The following PGLS variants were observed in gnomAD, a reference collection of about 807,000 sequenced individuals.
PGLS encodes epididymis secretory protein Li 304.
A neutral mutation model predicts 23.2 loss-of-function variants in PGLS; 21 were observed. The ratio of observed to expected loss-of-function variants is 0.91; its 90% confidence interval spans 0.64 to 1.31. PGLS has a LOEUF of 1.31. Among genes scored for constraint, PGLS ranks in the 50% most tolerant of loss-of-function variants. The pLI is 0.00. For synonymous variants in PGLS, 179 were observed against 165.4 expected (o/e 1.08, Z -0.63); for missense variants, 410 against 354.0 (o/e 1.16, Z -1.27).
At chr19:17,512,084 A>G (rs889360265) in intron 1 of PGLS, 124 bp downstream of exon 1, 1 of 1,029,628 alleles carries the variant, frequency 9.7e-7, no homozygotes, top group African/African-American at 1.7e-5. Context: ...CACCTCGGCT[A>G]CGGGGGCCAC....
rs937092332 is a variant in PGLS at position 17,511,833 on chromosome 19, T to C, written c.161T>C (p.Leu54Pro). 4.6e-6 allele frequency: 7 copies of C among 1,528,314 alleles called. No homozygotes were observed. The African/African-American group carries it at 9.9e-5, about 22-fold the overall frequency. The allele number at this position is 1,528,314 out of a possible 1,614,324, so 94.7% of individuals were successfully genotyped here. A position where few individuals can be genotyped will look rare whatever the true frequency, so the allele number is the denominator to read the frequency against. Residue 54 changes from leucine (L) to proline (P), a missense_variant, in exon 1 of 5, where the codon CTA becomes CCA. Coordinates refer to ENST00000252603, the MANE Select transcript of PGLS (RefSeq NM_012088.3). ...TCGGGCGGGAGCCTCGTCTCGATGC[T>C]AGCCCGCGAGCTACCCGCCGCCGTC... ...GLSGGSLVSM[L>P]ARELPAAVAP...
rs540004146 is a variant in PGLS at position 17,511,877 on chromosome 19, A to C, written c.205A>C (p.Ser69Arg). The C allele has an allele frequency of 1.7e-5, 26 of 1,539,228 alleles. No individual in the cohort carries two copies. In the African/African-American group the frequency reaches 3.1e-4, roughly 18 times the overall value. ...PAAVAPAGPASLARWTLGFCD... is the reference protein window; with the variant it reads ...PAAVAPAGPARLARWTLGFCD... ...CGCCGTCGCCCCTGCCGGGCCAGCT[A>C]GCTTAGCGCGCTGGACGCTGGGCTT... Residue 69 changes from serine (S) to arginine (R), a missense_variant, in exon 1 of 5, where the codon AGC becomes CGC. By Grantham distance (110) the Ser-to-Arg change is moderately radical. Transcript: ENST00000252603.
At chr19:17,516,615 C>T (rs1446726946) in intron 2 of PGLS, 16 of 809,644 alleles carry the variant, frequency 2.0e-5, no homozygotes, top group South Asian at 3.4e-5. Flanking sequence ...GACGGAGTCT[C>T]ACTCTGTCGC....
rs746596591 is a variant in PGLS, at chr19:17,511,804, C to T, written c.132C>T (p.Gly44=). ...GGGCCCGCGCCCGTTTCGCGCTCGG[C>T]CTGTCGGGCGGGAGCCTCGTCTCGA... ...LAGARARFAL[G]LSGGSLVSML... The change falls in exon 1 of 5, where the codon GGC becomes GGT. Residue 44 remains glycine, a synonymous_variant. Coordinates refer to ENST00000252603, the MANE Select transcript of PGLS (RefSeq NM_012088.3). 44 of 1,506,900 alleles carry T rather than the reference C, an allele frequency of 2.9e-5. No individual in the cohort carries two copies. The highest frequency in any genetic ancestry group is 3.8e-5 in the Non-Finnish European group (43 of 1,133,284). 93.3% of individuals were successfully genotyped at this position (1,506,900 alleles called of 1,614,324 possible).
intron 4 of PGLS, 76 bp from the exon 5 acceptor site, chr19:17,520,868 T>C (rs2080651489): frequency 1.1e-5 from 16 of 1,421,358 alleles, no homozygotes; most frequent in South Asian, 1.5e-5. Flanking sequence ...TTATCCTTGG[T>C]TGGGGAGCCA....
chr19:17,517,375 C>T lies in PGLS; in HGVS notation c.484C>T (p.His162Tyr). ...TCACACCTGCTCACTCTTCCCAGACCACCCCCTCCTACAGGTGAGCACACC... is the reference window on the plus strand; with the variant it reads ...TCACACCTGCTCACTCTTCCCAGACTACCCCCTCCTACAGGTGAGCACACC... ...DGHTCSLFPD[H>Y]PLLQEREKIV... is the part of the protein sequence containing the mutation. Residue 162 changes from histidine (H) to tyrosine (Y), a missense_variant, in exon 3 of 5, where the codon CAC becomes TAC. Transcript: ENST00000252603. 6.2e-7 allele frequency: 1 copy of T among 1,613,016 alleles called. No individual in the cohort carries two copies. The highest frequency in any genetic ancestry group is 8.5e-7 in the Non-Finnish European group (1 of 1,179,124).
chr19:17,515,511 C>G lies in PGLS; in HGVS notation c.289-662C>G, dbSNP rs575798179. Reference sequence around the variant, plus strand: ...CTCCACCATTCACAGGCCAGGGCATCTACTGTGCGCTAGCCACAGGTGCTG... The same window carrying G: ...CTCCACCATTCACAGGCCAGGGCATGTACTGTGCGCTAGCCACAGGTGCTG... On this transcript the variant is annotated intron_variant, in intron 1 of 4. Coordinates refer to ENST00000252603, the MANE Select transcript of PGLS (RefSeq NM_012088.3). Among the ~76,000 whole-genome samples, 42 of 152,272 alleles carry G rather than the reference C, an allele frequency of 2.8e-4. No individual in the cohort carries two copies. The South Asian group carries it at 8.7e-3, about 32-fold the overall frequency.
In PGLS at chr19:17,521,052, G is replaced by A. The variant is rs146318177; in HGVS notation, c.748G>A (p.Val250Met). Residue 250 changes from valine (V) to methionine (M), a missense_variant, in exon 5 of 5, where the codon GTG (valine) becomes ATG (methionine). Coordinates refer to ENST00000252603, the MANE Select transcript of PGLS (RefSeq NM_012088.3). ...CGAGGCGGCCGCCCGCCTCCTGACC[G>A]TGCCCTTCGAGAAGCATTCCACTTT... ...LDEAAARLLT[V>M]PFEKHSTL is the part of the protein sequence containing the mutation. 7.7e-5 allele frequency: 123 copies of A among 1,602,520 alleles called. No individual in the cohort carries two copies. The highest frequency in any genetic ancestry group is 1.5e-4 in the South Asian group (13 of 89,356).
At chr19:17,518,000 G>T in intron 4 of PGLS, 150 bp downstream of exon 4, 8 of 304,316 alleles carry the variant, frequency 2.6e-5, no homozygotes, top group East Asian at 1.3e-4. Flanking sequence ...ATTGCAATTA[G>T]AAAAAAAGGA....
At chr19:17,512,032 G>C in intron 1 of PGLS, 72 bp downstream of exon 1, 1 of 1,415,650 alleles carries the variant, frequency 7.1e-7, no homozygotes, top group Non-Finnish European at 9.3e-7. Context: ...CGGCTACGGA[G>C]GCCGCCGGGG....
At chr19:17,519,643 G>A (rs902651395) in intron 4 of PGLS, among the ~76,000 whole-genome samples, 4 of 151,722 alleles carry the variant, frequency 2.6e-5, no homozygotes, top group African/African-American at 4.8e-5. Flanking sequence ...CAAGTGATCC[G>A]CCCCCCTCGG....
Position 17,511,860 on chromosome 19 carries a change from C to A in PGLS, c.188C>A (p.Ala63Asp). 1 of 1,534,314 alleles carries A rather than the reference C, an allele frequency of 6.5e-7. No homozygotes were observed. Among genetic ancestry groups the A allele is most frequent in the Non-Finnish European group, 8.7e-7 (1 of 1,142,916 alleles). The change falls in exon 1 of 5, where the codon GCC becomes GAC. Residue 63 changes from alanine (A) to aspartate (D), a missense_variant. Coordinates refer to ENST00000252603, the MANE Select transcript of PGLS (RefSeq NM_012088.3). ...GCCCGCGAGCTACCCGCCGCCGTCG[C>A]CCCTGCCGGGCCAGCTAGCTTAGCG... ...MLARELPAAV[A>D]PAGPASLARW...
In PGLS at chr19:17,511,819, C is replaced by A. The variant is rs1487562910; in HGVS notation, c.147C>A (p.Ser49Arg). The change falls in exon 1 of 5, where the codon AGC becomes AGA. Residue 49 changes from serine to arginine, a missense_variant. Ser to Arg is a moderately radical substitution (Grantham distance 110). Transcript: ENST00000252603. ...ARFALGLSGG[S>R]LVSMLARELP... is the part of the protein sequence containing the mutation. The stretch of plus-strand genomic sequence containing the variant: ...TCGCGCTCGGCCTGTCGGGCGGGAG[C>A]CTCGTCTCGATGCTAGCCCGCGAGC... 7 of 1,515,934 alleles carry A rather than the reference C, an allele frequency of 4.6e-6. No homozygotes were observed. The highest frequency in any genetic ancestry group is 6.2e-6 in the Non-Finnish European group (7 of 1,136,414). The allele number at this position is 1,515,934 out of a possible 1,614,324, so 93.9% of individuals were successfully genotyped here. A position where few individuals can be genotyped will look rare whatever the true frequency, so the allele number is the denominator to read the frequency against.
chr19:17,519,398 TTTTG>T (rs1214751130), intron 4 of PGLS, among the ~76,000 whole-genome samples: 4 of 151,962 alleles, frequency 2.6e-5, no homozygotes, highest in Admixed American at 6.6e-5. Context: ...CCAGAAATTG[TTTTG>T]TTTGTTTGTT....
At position 17,517,705 on chromosome 19, in the gene PGLS, C is replaced by T; in HGVS notation, c.499-5C>T. The T allele has an allele frequency of 6.2e-7, 1 of 1,614,004 alleles. No individual in the cohort carries two copies. The highest frequency in any genetic ancestry group is 2.2e-5 in the East Asian group (1 of 44,882). On this transcript the variant is annotated splice_region_variant and splice_polypyrimidine_tract_variant and intron_variant, in intron 3 of 4. Transcript: ENST00000252603. ...CTGCCTCCATCCCTGGGCTTCCTCCCCAAGGAGCGGGAGAAGATTGTGGCT... is the reference window on the plus strand; with the variant it reads ...CTGCCTCCATCCCTGGGCTTCCTCCTCAAGGAGCGGGAGAAGATTGTGGCT...
In PGLS at chr19:17,520,888, C is replaced by T. The variant is rs1052338201; in HGVS notation, c.640-56C>T. The T allele has an allele frequency of 1.8e-5, 27 of 1,488,992 alleles. No individual in the cohort carries two copies. The Admixed American group carries it at 3.7e-4, about 21-fold the overall frequency. 92.2% of individuals were successfully genotyped at this position (1,488,992 alleles called of 1,614,324 possible). A position where few individuals can be genotyped will look rare whatever the true frequency, so the allele number is the denominator to read the frequency against. ...CTTGGTTGGGGAGCCAGGAGAGTGC[C>T]GAGGGGCGGTGCCTGGGCCGCAGGC... On this transcript the variant is annotated intron_variant, in intron 4 of 4. Coordinates refer to ENST00000252603, the MANE Select transcript of PGLS (RefSeq NM_012088.3).
Position 17,521,150 on chromosome 19 carries a change from A to G in PGLS, c.*69A>G. ...TGGGGCTGGGCCCCTGCTGGCCGCCACTCTCCGGGCTCTCCTTTCAAAAAG... is the reference window on the plus strand; with the variant it reads ...TGGGGCTGGGCCCCTGCTGGCCGCCGCTCTCCGGGCTCTCCTTTCAAAAAG... On this transcript the variant is annotated 3_prime_UTR_variant, in exon 5 of 5. Coordinates refer to ENST00000252603, the MANE Select transcript of PGLS (RefSeq NM_012088.3). 4 of 1,419,356 alleles carry G rather than the reference A, an allele frequency of 2.8e-6. No homozygotes were observed. The highest frequency in any genetic ancestry group is 5.5e-5 in the Admixed American group (2 of 36,172). 87.9% of individuals were successfully genotyped at this position (1,419,356 alleles called of 1,614,324 possible). A position where few individuals can be genotyped will look rare whatever the true frequency, so the allele number is the denominator to read the frequency against.
chr19:17,511,739 G>A lies in PGLS; in HGVS notation c.67G>A (p.Ala23Thr), dbSNP rs775635756. ...TTCCCAGGAGCTGGGTGCGGCGCTA[G>A]CGCAGCTGGTGGCCCAGCGCGCAGC... ...SSSQELGAAL[A>T]QLVAQRAACC... Residue 23 changes from alanine (A) to threonine (T), a missense_variant, in exon 1 of 5, where the codon GCG (alanine) becomes ACG (threonine). By Grantham distance (58) the Ala-to-Thr change is moderately conservative (BLOSUM62 0). Transcript: ENST00000252603. 9 of 1,506,422 alleles carry A rather than the reference G, an allele frequency of 6.0e-6. No individual in the cohort carries two copies. The South Asian group carries it at 1.1e-4, about 18-fold the overall frequency. 93.3% of individuals were successfully genotyped at this position (1,506,422 alleles called of 1,614,324 possible).
chr19:17,512,203 GC>G, intron 1 of PGLS: 1 of 524,696 alleles, frequency 1.9e-6, no homozygotes, highest in Non-Finnish European at 3.3e-6. Context: ...GGCTACGGGG[GC>G]CACTGGGGGT....
Sources: allele counts gnomAD v4.1 joint callset (sites outside exome capture counted in the v4.1 genomes callset), GRCh38; gene constraint gnomAD v4.1.1; transcripts MANE v1.5; gene names NCBI Gene and HGNC (gene_info 2026-07-23, HGNC 2026-07-21).